Variants in GRIA1 observed in about 807,000 individuals in gnomAD.
GRIA1 encodes the protein glutamate ionotropic receptor AMPA type subunit 1.
GRIA1 carries 31 observed loss-of-function variants against 99.2 expected under a neutral mutation model. The observed-to-expected ratio is 0.31, with a 90% confidence interval of 0.23 to 0.42. GRIA1 has a LOEUF of 0.42. Among genes scored for constraint, GRIA1 ranks in the 10% least tolerant of loss-of-function variants. The probability of loss-of-function intolerance (pLI) is 1.00; values close to 1 mark genes in which losing one functional copy is unlikely to be tolerated. For synonymous variants in GRIA1, 438 were observed against 432.4 expected (o/e 1.01, Z -0.16); for missense variants, 782 against 1,157.5 (o/e 0.68, Z 4.71).
chr5:153,628,140 C>T (rs1159065544), intron 2 of GRIA1, among the ~76,000 whole-genome samples: 3 of 152,190 alleles, frequency 2.0e-5, no homozygotes, highest in African/African-American at 7.2e-5. Flanking sequence ...AAGCCAAGAA[C>T]TATGAGAGCC....
At position 153,813,613 on chromosome 5, in the gene GRIA1, CT is replaced by C. The variant is rs1450262860; in HGVS notation, c.*2389del. ...AGCATTGGGAAAACTCTGAAAGAGACTGACATTTTTCTCAACAGGAATCCAT... is the reference window on the plus strand; with the variant it reads ...AGCATTGGGAAAACTCTGAAAGAGACGACATTTTTCTCAACAGGAATCCAT... On this transcript the variant is annotated 3_prime_UTR_variant, in exon 16 of 16. Transcript: ENST00000285900. 1 of 152,202 alleles carries C rather than the reference CT, an allele frequency of 6.6e-6. No individual in the cohort carries two copies. The highest frequency in any genetic ancestry group is 2.4e-5 in the African/African-American group (1 of 41,458). 9.4% of individuals were successfully genotyped at this position (152,202 alleles called of 1,614,324 possible).
rs986822110 is a variant in GRIA1 at position 153,811,317 on chromosome 5, C to A, written c.*92C>A. 42 of 837,556 alleles carry A rather than the reference C, an allele frequency of 5.0e-5. No homozygotes were observed. The African/African-American group carries it at 6.3e-4, about 13-fold the overall frequency. 51.9% of individuals were successfully genotyped at this position (837,556 alleles called of 1,614,324 possible). Reference sequence around the variant, plus strand: ...TGCCAAAAACAACAACAAAATGAAACGCAACCACCACCAACCACTGCGACC... The same window carrying A: ...TGCCAAAAACAACAACAAAATGAAAAGCAACCACCACCAACCACTGCGACC... On this transcript the variant is annotated 3_prime_UTR_variant, in exon 16 of 16. Coordinates refer to ENST00000285900, the MANE Select transcript of GRIA1 (RefSeq NM_000827.4).
chr5:153,805,749 C>T (rs532096299), intron 15 of GRIA1, among the ~76,000 whole-genome samples: 2 of 152,210 alleles, frequency 1.3e-5, no homozygotes, highest in East Asian at 1.9e-4. Context: ...TTCAAAGAGG[C>T]CACTGAGTCA....
chr5:153,640,438 T>C (rs1753706377), intron 2 of GRIA1, among the ~76,000 whole-genome samples: 1 of 152,186 alleles, frequency 6.6e-6, no homozygotes, highest in Non-Finnish European at 1.5e-5. Context: ...GGCAACCTAG[T>C]CCCCACCCAT....
chr5:153,530,950 A>G (rs535530585), intron 2 of GRIA1, among the ~76,000 whole-genome samples: 71 of 152,386 alleles, frequency 4.7e-4, no homozygotes, highest in African/African-American at 1.6e-3. Flanking sequence ...AAATAAGCAC[A>G]TCTGCAGATA....
intron 13 of GRIA1, among the ~76,000 whole-genome samples, chr5:153,794,131 CTCTT>C (rs751365429): frequency 6.6e-6 from 1 of 152,094 alleles, no homozygotes; most frequent in African/African-American, 2.4e-5. Context: ...TTTTATATCT[CTCTT>C]TCTATGTCTA....
intron 5 of GRIA1, 77 bp downstream of exon 5, chr5:153,655,949 C>A: frequency 8.2e-7 from 1 of 1,217,966 alleles, no homozygotes. Flanking sequence ...TTGTCCCTGG[C>A]TGATGTGAAC....
chr5:153,804,194 C>T (rs1185833706), intron 15 of GRIA1, among the ~76,000 whole-genome samples: 2 of 152,156 alleles, frequency 1.3e-5, no homozygotes, highest in Non-Finnish European at 2.9e-5. Flanking sequence ...TCACCAGGGA[C>T]CTAGGAACAC....
chr5:153,771,979 AAAAG>A (rs766318931), intron 13 of GRIA1, among the ~76,000 whole-genome samples: 15 of 152,214 alleles, frequency 9.9e-5, no homozygotes, highest in Non-Finnish European at 1.8e-4. Flanking sequence ...AGAGACATGA[AAAAG>A]AAAAAAATTG....
Position 153,767,148 on chromosome 5 carries a change from GA to G in GRIA1, c.2022+2524del, listed in dbSNP as rs557966849. ...GCATTCCTACCCTAAAGTAAAACCT[GA>G]AAAAAAAGGCATAATTATTAGTAGT... On this transcript the variant is annotated intron_variant, in intron 12 of 15. Transcript: ENST00000285900. Among the ~76,000 whole-genome samples, 576 of 151,730 alleles carry G rather than the reference GA, an allele frequency of 3.8e-3. 5 individuals are homozygous for G. The highest frequency in any genetic ancestry group is 0.013 in the African/African-American group (553 of 41,386).
At chr5:153,726,485 G>A (rs1024315081) in intron 11 of GRIA1, among the ~76,000 whole-genome samples, 7 of 150,386 alleles carry the variant, frequency 4.7e-5, no homozygotes, top group African/African-American at 1.7e-4. Flanking sequence ...AAAATTGATA[G>A]ACCACTAGCA....
rs1216811814 is a variant in GRIA1, at chr5:153,674,350, T to C, written c.700-150T>C. 3 of 856,920 alleles carry C rather than the reference T, an allele frequency of 3.5e-6. No homozygotes were observed. The African/African-American group carries it at 5.1e-5, about 14-fold the overall frequency. The allele number at this position is 856,920 out of a possible 1,614,324, so 53.1% of individuals were successfully genotyped here. On this transcript the variant is annotated intron_variant, in intron 5 of 15. Coordinates refer to ENST00000285900, the MANE Select transcript of GRIA1 (RefSeq NM_000827.4). ...ATTTTGTGCACAAACTAAGTAATAA[T>C]CAAGTTCAAAGGAAAGGAGGCCTAA...
chr5:153,755,057 G>A (rs1436877106), intron 11 of GRIA1, among the ~76,000 whole-genome samples: 1 of 152,166 alleles, frequency 6.6e-6, no homozygotes, highest in Non-Finnish European at 1.5e-5. Context: ...AAGGATGGGA[G>A]TCTTTTGAAT....
intron 2 of GRIA1, among the ~76,000 whole-genome samples, chr5:153,582,769 G>A (rs149075831): frequency 3.6e-4 from 54 of 152,098 alleles, no homozygotes; most frequent in African/African-American, 1.0e-3. Flanking sequence ...ACAACTATGC[G>A]TTTCCCACTC....
chr5:153,519,072 G>A (rs1328003881), intron 2 of GRIA1, among the ~76,000 whole-genome samples: 4 of 152,098 alleles, frequency 2.6e-5, no homozygotes, highest in Admixed American at 6.5e-5. Flanking sequence ...AGACCATCCT[G>A]GCTAACACCG....
intron 2 of GRIA1, among the ~76,000 whole-genome samples, chr5:153,507,935 C>T (rs1755696644): frequency 6.6e-6 from 1 of 152,202 alleles, no homozygotes; most frequent in Admixed American, 6.5e-5. Context: ...CTGCTTTGGT[C>T]ATACTACTGA....
rs563288301 is a variant in GRIA1 at position 153,811,234 on chromosome 5, G to A, written c.*9G>A. ...GAGCCACGGGATTGTAACTGGAGCA[G>A]ATGGAGACCCCTTGGGGAGCAGGCT... On this transcript the variant is annotated 3_prime_UTR_variant, in exon 16 of 16. Coordinates refer to ENST00000285900, the MANE Select transcript of GRIA1 (RefSeq NM_000827.4). 3.1e-6 allele frequency: 5 copies of A among 1,609,592 alleles called. No homozygotes were observed. The highest frequency in any genetic ancestry group is 2.2e-5 in the East Asian group (1 of 44,822).
At chr5:153,752,998 A>G (rs527812437) in intron 11 of GRIA1, among the ~76,000 whole-genome samples, 1 of 152,332 alleles carries the variant, frequency 6.6e-6, no homozygotes, top group African/African-American at 2.4e-5. Flanking sequence ...TGAGAAATGC[A>G]GCAACCTCTA....
At chr5:153,647,283 C>G in intron 3 of GRIA1, 116 bp downstream of exon 3, 1 of 1,274,560 alleles carries the variant, frequency 7.8e-7, no homozygotes, top group Non-Finnish European at 1.1e-6. Context: ...ATCCAAAATG[C>G]TTTATTTCTG....
Sources: gnomAD v4.1 joint callset for allele counts (sites outside exome capture counted in the v4.1 genomes callset) on GRCh38, gnomAD v4.1.1 for gene constraint, MANE v1.5 for transcripts, NCBI Gene and HGNC (gene_info 2026-07-23, HGNC 2026-07-21) for gene names.